The following ANKS1B variants were observed in gnomAD, a reference collection of about 807,000 sequenced individuals.
The protein encoded by ANKS1B is ankyrin repeat and sterile alpha motif domain-containing protein 1B.
In ANKS1B, 36 loss-of-function variants were observed where a neutral mutation model predicts 148.3. The observed-to-expected ratio is 0.24, with a 90% CI of 0.19 to 0.32. ANKS1B has a LOEUF of 0.32. Ranked by LOEUF, ANKS1B falls within the 10% of genes least tolerant of loss-of-function variation. The pLI is 1.00. For synonymous variants in ANKS1B, 542 were observed against 560.8 expected, an observed-to-expected ratio of 0.97 and a Z score of 0.47; for missense variants, 1,157 against 1,542.6, an observed-to-expected ratio of 0.75 and a Z score of 4.19.
chr12:99,134,671 A>T lies in ANKS1B; in HGVS notation c.2526+19618T>A, dbSNP rs1310793231. ...CACACACACACACACACACACACAC[A>T]CACACACACACACACACACACACAC... On this transcript the variant is annotated intron_variant, in intron 15 of 26. Coordinates refer to ENST00000683438, the MANE Select transcript of ANKS1B (RefSeq NM_001352186.2). 1.1e-4 allele frequency among the ~76,000 whole-genome samples: 16 copies of T among 149,478 alleles called. No individual in the cohort carries two copies. In the South Asian group the frequency reaches 1.7e-3, roughly 16 times the overall value.
chr12:99,160,091 A>G (rs2076493152), intron 14 of ANKS1B, among the ~76,000 whole-genome samples: 1 of 151,918 alleles, frequency 6.6e-6, no homozygotes, highest in Non-Finnish European at 1.5e-5. Context: ...TATTTGTTCA[A>G]TTGTTTAAGT....
At chr12:99,787,249 AC>A (rs1189288271) in intron 4 of ANKS1B, among the ~76,000 whole-genome samples, 1 of 152,070 alleles carries the variant, frequency 6.6e-6, no homozygotes, top group Non-Finnish European at 1.5e-5. Context: ...GGGGGCAATT[AC>A]CCTCATGCTG....
intron 17 of ANKS1B, among the ~76,000 whole-genome samples, chr12:98,941,716 G>A (rs1172225255): frequency 6.6e-6 from 1 of 152,172 alleles, no homozygotes; most frequent in African/African-American, 2.4e-5. Flanking sequence ...ATTTAAAGAT[G>A]TATCCTTTTC....
intron 22 of ANKS1B, among the ~76,000 whole-genome samples, chr12:98,798,583 T>C (rs1026915430): frequency 6.6e-6 from 1 of 152,206 alleles, no homozygotes; most frequent in Non-Finnish European, 1.5e-5. Context: ...TTTTAGTCAA[T>C]TGGTGATGTT....
chr12:99,022,732 G>A (rs1478646975), intron 17 of ANKS1B, among the ~76,000 whole-genome samples: 1 of 151,938 alleles, frequency 6.6e-6, no homozygotes, highest in African/African-American at 2.4e-5. Flanking sequence ...TGTTGTCCAG[G>A]CTGGAGTGCA....
chr12:98,938,323 C>T (rs139183599), intron 17 of ANKS1B, among the ~76,000 whole-genome samples: 130 of 152,220 alleles, frequency 8.5e-4, no homozygotes, highest in South Asian at 7.0e-3. Context: ...AATCAAGTGA[C>T]GTGAGCAAAA....
chr12:99,511,277 A>C (rs547809661), intron 9 of ANKS1B, among the ~76,000 whole-genome samples: 1 of 152,076 alleles, frequency 6.6e-6, no homozygotes, highest in South Asian at 2.1e-4. Flanking sequence ...GCAAATCATG[A>C]ATGAACTGCC....
intron 9 of ANKS1B, among the ~76,000 whole-genome samples, chr12:99,626,191 T>C (rs2098111557): frequency 6.6e-6 from 1 of 152,184 alleles, no homozygotes; most frequent in Admixed American, 6.6e-5. Context: ...GGGCTAAATA[T>C]ATGTTGCAAA....
At chr12:99,951,813 C>G (rs1319749191) in intron 1 of ANKS1B, among the ~76,000 whole-genome samples, 1 of 151,774 alleles carries the variant, frequency 6.6e-6, no homozygotes, top group Non-Finnish European at 1.5e-5. Context: ...TTGAGCCCAG[C>G]AGTTGGAGGT....
At chr12:99,208,356 C>G (rs1489122430) in intron 14 of ANKS1B, among the ~76,000 whole-genome samples, 1 of 152,038 alleles carries the variant, frequency 6.6e-6, no homozygotes, top group Non-Finnish European at 1.5e-5. Context: ...ATGTTTTAAA[C>G]CATTTGACAT....
chr12:99,607,684 G>A (rs1355659285), intron 9 of ANKS1B, among the ~76,000 whole-genome samples: 2 of 152,062 alleles, frequency 1.3e-5, no homozygotes, highest in Non-Finnish European at 2.9e-5. Flanking sequence ...AATTTGTATG[G>A]AGAAGGCTTC....
chr12:99,393,032 T>C (rs2094127422), intron 12 of ANKS1B, among the ~76,000 whole-genome samples: 1 of 152,156 alleles, frequency 6.6e-6, no homozygotes, highest in African/African-American at 2.4e-5. Context: ...TATTTTCTTA[T>C]ATCCTACCTC....
At chr12:99,052,396 G>GTC (rs1162244120) in intron 17 of ANKS1B, among the ~76,000 whole-genome samples, 1 of 152,186 alleles carries the variant, frequency 6.6e-6, no homozygotes, top group Non-Finnish European at 1.5e-5. Flanking sequence ...AATAAAAGCA[G>GTC]TCTCTTGGAG....
chr12:99,619,698 C>A (rs1203943666), intron 9 of ANKS1B, among the ~76,000 whole-genome samples: 2 of 152,088 alleles, frequency 1.3e-5, no homozygotes, highest in Non-Finnish European at 2.9e-5. Flanking sequence ...GATTTCTAGG[C>A]ATTCTGAGAA....
chr12:99,311,027 G>A (rs931189133), intron 12 of ANKS1B, among the ~76,000 whole-genome samples: 12 of 152,156 alleles, frequency 7.9e-5, no homozygotes, highest in African/African-American at 2.7e-4. Flanking sequence ...AAGACACTTA[G>A]TAGGACGCCT....
chr12:99,133,623 C>T lies in ANKS1B; in HGVS notation c.2526+20666G>A, dbSNP rs1021240695. ...CCACAATCATGTTTATAATGGTCCA[C>T]GAATATTTTTTGACTGAATGTCTGT... On this transcript the variant is annotated intron_variant, in intron 15 of 26. Transcript: ENST00000683438. Among the ~76,000 whole-genome samples the T allele has an allele frequency of 1.3e-4, 20 of 152,206 alleles. 1 individual carries two copies. The highest frequency in any genetic ancestry group is 3.9e-4 in the East Asian group (2 of 5,166).
intron 1 of ANKS1B, among the ~76,000 whole-genome samples, chr12:99,891,182 T>C (rs1011605871): frequency 6.6e-6 from 1 of 152,240 alleles, no homozygotes; most frequent in East Asian, 1.9e-4. Context: ...TGTTTAAACT[T>C]CAGGAAACTG....
intron 12 of ANKS1B, among the ~76,000 whole-genome samples, chr12:99,389,984 C>T (rs1319265798): frequency 1.3e-5 from 2 of 152,132 alleles, no homozygotes; most frequent in East Asian, 3.9e-4. Context: ...AGCAGGTTGA[C>T]CTGCTTGTTC....
At chr12:99,289,036 A>G (rs894440403) in intron 12 of ANKS1B, among the ~76,000 whole-genome samples, 5 of 152,042 alleles carry the variant, frequency 3.3e-5, no homozygotes, top group Non-Finnish European at 7.4e-5. Flanking sequence ...CATTTCACCT[A>G]TAAAAACTCA....
Sources: gnomAD v4.1 joint callset for allele counts (sites outside exome capture counted in the v4.1 genomes callset) on GRCh38, gnomAD v4.1.1 for gene constraint, MANE v1.5 for transcripts, NCBI Gene and HGNC (gene_info 2026-07-23, HGNC 2026-07-21) for gene names.